The following LOXL3 variants were observed in gnomAD, a reference collection of about 807,000 sequenced individuals.
LOXL3 encodes lysyl oxidase homolog 3.
A neutral mutation model predicts 91.8 loss-of-function variants in LOXL3; 60 were observed. The ratio of observed to expected loss-of-function variants is 0.65; its 90% CI spans 0.53 to 0.81. LOXL3 has a LOEUF of 0.81. Ranked by LOEUF, LOXL3 falls within the 30% of genes least tolerant of loss-of-function variation. The pLI, the probability that LOXL3 is intolerant of heterozygous loss-of-function variation, is 0.00. For missense variants in LOXL3, 874 were observed against 1,000.4 expected (o/e 0.87, Z 1.70); for synonymous variants, 355 against 387.6 (o/e 0.92, Z 0.99).
At chr2:74,540,734 CA>C (rs1431339428) in intron 4 of LOXL3, among the ~76,000 whole-genome samples, 4 of 148,250 alleles carry the variant, frequency 2.7e-5, no homozygotes, top group African/African-American at 9.8e-5. Flanking sequence ...ATGGTGCAAC[CA>C]TGGCTCACTG....
At position 74,550,051 on chromosome 2, in the gene LOXL3, T is replaced by C. The variant is rs1676902097; in HGVS notation, c.477+134A>G. On this transcript the variant is annotated intron_variant, in intron 3 of 13. Transcript: ENST00000264094. ...TTTACAGCATCTGGGAGCTCTATCATTTGCTTTTCCAAGTCTCCCACCAAT... is the reference window on the plus strand; with the variant it reads ...TTTACAGCATCTGGGAGCTCTATCACTTGCTTTTCCAAGTCTCCCACCAAT... 7 of 1,476,460 alleles carry C rather than the reference T, an allele frequency of 4.7e-6. No homozygotes were observed. The South Asian group carries it at 8.6e-5, about 18-fold the overall frequency. The allele number at this position is 1,476,460 out of a possible 1,614,324, so 91.5% of individuals were successfully genotyped here.
chr2:74,549,359 G>T lies in LOXL3; in HGVS notation c.692+10C>A, dbSNP rs748225231. 1.3e-6 allele frequency: 2 copies of T among 1,570,178 alleles called. No individual in the cohort carries two copies. Among genetic ancestry groups the T allele is most frequent in the Admixed American group, 1.8e-5 (1 of 54,606 alleles). On this transcript the variant is annotated intron_variant, in intron 4 of 13. Coordinates refer to ENST00000264094, the MANE Select transcript of LOXL3 (RefSeq NM_032603.5). This position sits in a 1 kb window ranked among gnomAD's most constrained non-coding sequence, Gnocchi z 5.3. The stretch of plus-strand genomic sequence containing the variant: ...CCGGCCTGCTCCGCCCGGCGCCCGC[G>T]GCCCCTCACCTGTAGAAGGCCGCGT...
Position 74,532,785 on chromosome 2 carries a change from C to A in LOXL3, c.*821G>T. 1 of 1,613,850 alleles carries A rather than the reference C, an allele frequency of 6.2e-7. No homozygotes were observed. Among genetic ancestry groups the A allele is most frequent in the Non-Finnish European group, 8.5e-7 (1 of 1,179,852 alleles). The stretch of plus-strand genomic sequence containing the variant: ...ATGTGTCCTTGAACTAGGCTTTGTA[C>A]TCCTTCCTTTCTCTCTGTCCATTTT... On this transcript the variant is annotated 3_prime_UTR_variant, in exon 14 of 14. Coordinates refer to ENST00000264094, the MANE Select transcript of LOXL3 (RefSeq NM_032603.5).
rs975230414 is a variant in LOXL3 at position 74,549,276 on chromosome 2, C to G, written c.692+93G>C. ...GCGCGTCCCGACCCCCGGGTCCTCC[C>G]GTGCCCCGGACCTGCTCAGATGTCT... On this transcript the variant is annotated intron_variant, in intron 4 of 13. Transcript: ENST00000264094. The surrounding 1 kb of genome is among the most constrained non-coding windows in gnomAD (Gnocchi z 5.3). 7.3e-6 allele frequency: 10 copies of G among 1,369,224 alleles called. No homozygotes were observed. Among genetic ancestry groups the G allele is most frequent in the African/African-American group, 4.4e-5 (3 of 68,104 alleles). 84.8% of individuals were successfully genotyped at this position (1,369,224 alleles called of 1,614,324 possible).
In LOXL3 at chr2:74,535,635, C is replaced by A; in HGVS notation, c.1369G>T (p.Val457Leu). 6.2e-7 allele frequency: 1 copy of A among 1,614,100 alleles called. No homozygotes were observed. ...CCCAGACCCAGTTGCCTACAGGCCA[C>A]CATGGCCTCCAGGGTCCCCCAGTCA... is the stretch of plus-strand genomic sequence containing the variant. ...GDDWGTLEAM[V>L]ACRQLGLGYA... Residue 457 changes from valine (V) to leucine (L), a missense_variant, in exon 8 of 14, where the codon GTG becomes TTG. Coordinates refer to ENST00000264094, the MANE Select transcript of LOXL3 (RefSeq NM_032603.5). The surrounding 1 kb of genome is among the most constrained non-coding windows in gnomAD (Gnocchi z 4.2).
intron 1 of LOXL3, 24 bp from the exon 2 acceptor site, chr2:74,552,670 T>C: frequency 6.7e-7 from 1 of 1,487,132 alleles, no homozygotes; most frequent in Non-Finnish European, 9.0e-7. Flanking sequence ...AGACAAAGTG[T>C]GCGTGAGAGA....
At chr2:74,547,057 A>C (rs1676635622) in intron 4 of LOXL3, among the ~76,000 whole-genome samples, 1 of 152,076 alleles carries the variant, frequency 6.6e-6, no homozygotes, top group Non-Finnish European at 1.5e-5. Context: ...TCTGCCACCC[A>C]GGCAGTGTAG....
intron 4 of LOXL3, among the ~76,000 whole-genome samples, chr2:74,545,122 CCTGAAGCCCAGAGATGG>C (rs1247804306): frequency 1.3e-5 from 2 of 152,196 alleles, no homozygotes; most frequent in African/African-American, 4.8e-5. Context: ...TTCATATTAA[CCTGAAGCCCAGAGATGG>C]CTGCTGGTAC....
upstream of LOXL3, chr2:74,555,407 C>A (rs199739083): frequency 1.2e-6 from 2 of 1,611,282 alleles, no homozygotes; most frequent in African/African-American, 1.3e-5. This position sits in a 1 kb window ranked among gnomAD's most constrained non-coding sequence, Gnocchi z 6.1. Context: ...GCCGACGCGC[C>A]GTCCAGTGCA....
At position 74,536,006 on chromosome 2, in the gene LOXL3, GC is replaced by G; in HGVS notation, c.1237del (p.Ala413GlnfsTer22). 2 of 1,576,526 alleles carry G rather than the reference GC, an allele frequency of 1.3e-6. No homozygotes were observed. On this transcript the variant is annotated frameshift_variant, in exon 7 of 14. Coordinates refer to ENST00000264094, the MANE Select transcript of LOXL3 (RefSeq NM_032603.5). LOFTEE classifies it high-confidence loss of function. The surrounding 1 kb of genome is among the most constrained non-coding windows in gnomAD (Gnocchi z 4.5). ...GVRCNLPYTG[A>X]ETRIRLSGGR... ...GAGAGGATGACTGACCCTGGTCTCT[GC>G]CCCAGTGTAAGGTAGGTTGCACCGG...
chr2:74,534,205 A>G lies in LOXL3; in HGVS notation c.1971T>C (p.Phe657=), dbSNP rs1675841854. The G allele has an allele frequency of 6.2e-7, 1 of 1,614,192 alleles. No homozygotes were observed. The highest frequency in any genetic ancestry group is 2.2e-5 in the East Asian group (1 of 44,884). ...DVSKRYECAN[F]GEQGITVGCW... ...AACCCACAGTGATGCCTTGCTCTCC[A>G]AAGTTGGCACACTCATACCGCTTGG... Residue 657 remains phenylalanine, a synonymous_variant, in exon 12 of 14, where the codon TTT becomes TTC. Transcript: ENST00000264094.
At position 74,535,514 on chromosome 2, in the gene LOXL3, C is replaced by T; in HGVS notation, c.1417-60G>A. The T allele has an allele frequency of 6.2e-7, 1 of 1,611,886 alleles. No homozygotes were observed. Among genetic ancestry groups the T allele is most frequent in the Non-Finnish European group, 8.5e-7 (1 of 1,179,650 alleles). ...GGATCCAGCATCTTGGGCCAAGGGA[C>T]TCATTCCTCAGCCCTCTGCCCAAAA... On this transcript the variant is annotated intron_variant, in intron 8 of 13. Transcript: ENST00000264094. This position sits in a 1 kb window ranked among gnomAD's most constrained non-coding sequence, Gnocchi z 4.2.
intron 4 of LOXL3, among the ~76,000 whole-genome samples, chr2:74,546,714 T>C (rs1676611348): frequency 1.3e-5 from 2 of 152,166 alleles, no homozygotes; most frequent in Admixed American, 6.5e-5. Context: ...ACTTAATTTA[T>C]TTTTATTTTA....
chr2:74,552,765 G>T, intron 1 of LOXL3, 119 bp from the exon 2 acceptor site: 1 of 857,470 alleles, frequency 1.2e-6, no homozygotes. Context: ...GAGACAGCGA[G>T]AGACAACAGG....
upstream of LOXL3, chr2:74,554,643 G>A: frequency 9.6e-7 from 1 of 1,045,790 alleles, no homozygotes; most frequent in Non-Finnish European, 1.4e-6. The surrounding 1 kb of genome is among the most constrained non-coding windows in gnomAD (Gnocchi z 4.9). Context: ...CCCCCCAGCG[G>A]CTGCCGGCGG....
intron 2 of LOXL3, among the ~76,000 whole-genome samples, chr2:74,551,777 G>C (rs977213516): frequency 7.9e-5 from 12 of 152,226 alleles, no homozygotes; most frequent in African/African-American, 2.9e-4. Context: ...CATACCATGG[G>C]CACAGTCCTA....
At position 74,536,783 on chromosome 2, in the gene LOXL3, T is replaced by TC; in HGVS notation, c.837dup (p.Ser280GlufsTer54). ...GCGTAGACAGGGCCTGGCACACAGC[T>TC]CACCACTGCAGGGCCCCCCCCAGGG... On this transcript the variant is annotated frameshift_variant, in exon 5 of 14. Coordinates refer to ENST00000264094, the MANE Select transcript of LOXL3 (RefSeq NM_032603.5). LOFTEE classifies it high-confidence loss of function. The surrounding 1 kb of genome is among the most constrained non-coding windows in gnomAD (Gnocchi z 4.5). 6.2e-7 allele frequency: 1 copy of TC among 1,614,136 alleles called. No individual in the cohort carries two copies. Among genetic ancestry groups the TC allele is most frequent in the South Asian group, 1.1e-5 (1 of 91,084 alleles).
chr2:74,536,403 T>C lies in LOXL3; in HGVS notation c.981A>G (p.Thr327=), dbSNP rs751045173. Residue 327 remains threonine, a synonymous_variant, in exon 6 of 14, where the codon ACA becomes ACG. Transcript: ENST00000264094. The surrounding 1 kb of genome is among the most constrained non-coding windows in gnomAD (Gnocchi z 4.5). ...ACTTGCGGTCACAGACTGTGCCCCA[T>C]GTGCTGGCCTTCAGGACTTCTACCC... ...EGRVEVLKAS[T]WGTVCDRKWD... is the part of the protein sequence containing the mutation. 2 of 1,614,144 alleles carry C rather than the reference T, an allele frequency of 1.2e-6. No individual in the cohort carries two copies. The highest frequency in any genetic ancestry group is 1.1e-5 in the South Asian group (1 of 91,078).
At chr2:74,543,794 G>A (rs771603490) in intron 4 of LOXL3, among the ~76,000 whole-genome samples, 1 of 150,536 alleles carries the variant, frequency 6.6e-6, no homozygotes, top group African/African-American at 2.4e-5. Flanking sequence ...CCAGCTACTC[G>A]AGAGGCTGAG....
Sources: gnomAD v4.1 joint callset for allele counts (sites outside exome capture counted in the v4.1 genomes callset) on GRCh38, gnomAD v4.1.1 for gene constraint, Gnocchi (gnomAD v3.1) non-coding constraint, MANE v1.5 for transcripts, NCBI Gene and HGNC (gene_info 2026-07-23, HGNC 2026-07-21) for gene names.